Variants in ATRNL1 observed in about 807,000 individuals in gnomAD.
The protein encoded by ATRNL1 is attractin-like protein 1.
In ATRNL1, 95 loss-of-function variants were observed where a neutral mutation model predicts 182.7. That is an observed-to-expected ratio of 0.52 (90% CI 0.44 to 0.62). The LOEUF (loss-of-function observed/expected upper bound fraction) is 0.62. ATRNL1 is among the 20% of genes least tolerant of loss of function. ATRNL1 has a pLI of 0.00. For synonymous variants in ATRNL1, 576 were observed against 568.3 expected (o/e 1.01, Z -0.19); for missense variants, 1,471 against 1,679.5 (o/e 0.88, Z 2.17).
intron 24 of ATRNL1, among the ~76,000 whole-genome samples, chr10:115,469,736 A>G (rs868918929): frequency 6.6e-6 from 1 of 150,650 alleles, no homozygotes; most frequent in Admixed American, 6.6e-5. Context: ...AAAGATTTTG[A>G]GTTAGCAGTA....
intron 10 of ATRNL1, 138 bp downstream of exon 10, chr10:115,241,863 A>G: frequency 1.4e-6 from 1 of 721,174 alleles, no homozygotes; most frequent in Non-Finnish European, 2.2e-6. Context: ...ATTCTTTCTA[A>G]TTTCAGCACA....
intron 19 of ATRNL1, among the ~76,000 whole-genome samples, chr10:115,370,115 T>A (rs1554947587): frequency 6.6e-6 from 1 of 152,226 alleles, no homozygotes; most frequent in African/African-American, 2.4e-5. Context: ...TGCCACCATG[T>A]GAGATGTGCC....
intron 15 of ATRNL1, among the ~76,000 whole-genome samples, chr10:115,298,376 A>T (rs111656182): frequency 6.6e-6 from 1 of 152,120 alleles, no homozygotes; most frequent in African/African-American, 2.4e-5. Flanking sequence ...ACTGAGTAAT[A>T]GTTACTTTAA....
intron 26 of ATRNL1, among the ~76,000 whole-genome samples, chr10:115,726,927 C>G (rs1947616155): frequency 6.6e-6 from 1 of 151,400 alleles, no homozygotes; most frequent in Admixed American, 6.6e-5. Context: ...GCATAGCCAT[C>G]ACTGTAATAA....
At chr10:115,734,846 T>C (rs1052149705) in intron 27 of ATRNL1, among the ~76,000 whole-genome samples, 8 of 152,150 alleles carry the variant, frequency 5.3e-5, no homozygotes, top group South Asian at 4.1e-4. Flanking sequence ...CCTCAATTGA[T>C]TTGCATGTTA....
chr10:115,132,117 T>TC (rs1167059893), intron 5 of ATRNL1, among the ~76,000 whole-genome samples: 2 of 148,150 alleles, frequency 1.3e-5, no homozygotes, highest in Non-Finnish European at 3.0e-5. Context: ...TGTGGGATGT[T>TC]CCCCTTCCTG....
At chr10:115,302,838 G>A (rs772778576) in intron 17 of ATRNL1, among the ~76,000 whole-genome samples, 23 of 137,972 alleles carry the variant, frequency 1.7e-4, no homozygotes, top group Admixed American at 6.1e-4. Flanking sequence ...ACTTAAGACC[G>A]TGTGAAACTC....
At chr10:115,510,158 G>C (rs1383389921) in intron 24 of ATRNL1, among the ~76,000 whole-genome samples, 1 of 152,042 alleles carries the variant, frequency 6.6e-6, no homozygotes, top group Admixed American at 6.6e-5. Flanking sequence ...AGTAAATAAA[G>C]TAGTTTCTGG....
At chr10:115,333,689 G>A (rs1352514216) in intron 18 of ATRNL1, among the ~76,000 whole-genome samples, 5 of 151,974 alleles carry the variant, frequency 3.3e-5, no homozygotes, top group African/African-American at 1.2e-4. Context: ...GTTTCACCAA[G>A]TTGGCCAGGC....
intron 19 of ATRNL1, among the ~76,000 whole-genome samples, chr10:115,344,528 G>A (rs973726070): frequency 3.4e-4 from 51 of 152,178 alleles, no homozygotes; most frequent in African/African-American, 1.2e-3. Flanking sequence ...CTTTAGGGGA[G>A]TGGGCTCCCC....
rs1853455429 is a variant in ATRNL1, at chr10:115,558,440, A to T, written c.3795+8904A>T. Among the ~76,000 whole-genome samples, 3 of 152,136 alleles carry T rather than the reference A, an allele frequency of 2.0e-5. No homozygotes were observed. In the South Asian group the frequency reaches 6.2e-4, roughly 31 times the overall value. On this transcript the variant is annotated intron_variant, in intron 26 of 28. Transcript: ENST00000355044. ...AGGTGAATTGGCAGCCCATGCAGAT[A>T]AAGGGATGGTCCCTGCTCGGCCTGT...
chr10:115,856,449 A>AAAAAAAAAAAAAAAAAAAAAAAC (rs1565439910), intron 28 of ATRNL1, among the ~76,000 whole-genome samples: 5 of 147,860 alleles, frequency 3.4e-5, no homozygotes, highest in South Asian at 2.2e-4. Flanking sequence ...AAAAAAAAAA[A>AAAAAAAAAAAAAAAAAAAAAAAC]AGCCATACAT....
intron 9 of ATRNL1, among the ~76,000 whole-genome samples, chr10:115,239,772 G>A (rs940911672): frequency 6.6e-6 from 1 of 152,168 alleles, no homozygotes; most frequent in Admixed American, 6.5e-5. Flanking sequence ...AATGTTGTTA[G>A]CCTGCTGGAA....
At chr10:115,582,239 T>C (rs1855155884) in intron 26 of ATRNL1, among the ~76,000 whole-genome samples, 1 of 142,412 alleles carries the variant, frequency 7.0e-6, no homozygotes, top group Admixed American at 7.2e-5. Context: ...GCATGATTTA[T>C]AGTCCTTTGG....
intron 21 of ATRNL1, among the ~76,000 whole-genome samples, chr10:115,438,712 A>G (rs1328167031): frequency 3.9e-5 from 6 of 152,040 alleles, no homozygotes; most frequent in Admixed American, 3.9e-4. Flanking sequence ...TAAAAAAATC[A>G]ACTTCTGCAT....
intron 27 of ATRNL1, among the ~76,000 whole-genome samples, chr10:115,846,853 A>G (rs1950940200): frequency 6.6e-6 from 1 of 152,044 alleles, no homozygotes; most frequent in Non-Finnish European, 1.5e-5. Flanking sequence ...TAGCCCAACT[A>G]CTGCTAACTA....
Position 115,856,259 on chromosome 10 carries a change from C to A in ATRNL1, c.4018+8268C>A, listed in dbSNP as rs951049899. ...CCTGGCCAACATAGTGAAATCCCGT[C>A]TCTACTAAAAATACAAAAATTAGCC... On this transcript the variant is annotated intron_variant, in intron 28 of 28. Coordinates refer to ENST00000355044, the MANE Select transcript of ATRNL1 (RefSeq NM_207303.4). Among the ~76,000 whole-genome samples, 13 of 151,594 alleles carry A rather than the reference C, an allele frequency of 8.6e-5. No homozygotes were observed. The East Asian group carries it at 2.5e-3, about 30-fold the overall frequency.
intron 8 of ATRNL1, among the ~76,000 whole-genome samples, chr10:115,199,577 A>G (rs1453196478): frequency 2.0e-5 from 3 of 152,102 alleles, no homozygotes; most frequent in Non-Finnish European, 2.9e-5. Context: ...AAAAAATTCA[A>G]TAGTTAAGCA....
At chr10:115,590,489 T>C (rs1379791141) in intron 26 of ATRNL1, among the ~76,000 whole-genome samples, 1 of 152,088 alleles carries the variant, frequency 6.6e-6, no homozygotes, top group East Asian at 1.9e-4. Flanking sequence ...AGTAAATACA[T>C]GAAGAAAATA....
Sources: allele counts gnomAD v4.1 joint callset (sites outside exome capture counted in the v4.1 genomes callset), GRCh38; gene constraint gnomAD v4.1.1; transcripts MANE v1.5; gene names NCBI Gene and HGNC (gene_info 2026-07-23, HGNC 2026-07-21).